Variants in NFIB observed in about 807,000 individuals in gnomAD.
The protein encoded by NFIB is nuclear factor 1 B-type.
In NFIB, 11 loss-of-function variants were observed where a neutral mutation model predicts 61.5. That is an observed-to-expected ratio of 0.18 (90% confidence interval 0.11 to 0.30). The LOEUF is 0.30. Among genes scored for constraint, NFIB ranks in the 10% least tolerant of loss-of-function variants. The pLI is 1.00. For missense variants in NFIB, 471 were observed against 608.9 expected (o/e 0.77, Z 2.38); for synonymous variants, 260 against 216.5 (o/e 1.20, Z -1.76).
intron 3 of NFIB, among the ~76,000 whole-genome samples, chr9:14,175,878 T>C (rs1044451203): frequency 1.3e-5 from 2 of 152,226 alleles, no homozygotes; most frequent in African/African-American, 4.8e-5. Flanking sequence ...CCAGCCTTCC[T>C]GAACTCCAAA....
the NFIB span, among the ~76,000 whole-genome samples, chr9:14,471,894 T>C: frequency 1.3e-5 from 2 of 152,312 alleles, no homozygotes; most frequent in Admixed American, 6.5e-5. Context: ...TTGATCCACC[T>C]GTGTTAGGCA....
In NFIB at chr9:14,163,714, T is replaced by C. The variant is rs181670685; in HGVS notation, c.617-7821A>G. On this transcript the variant is annotated intron_variant, in intron 3 of 10. Coordinates refer to ENST00000380953, the MANE Select transcript of NFIB (RefSeq NM_001190737.2). ...CTTTTTAAGAATTGAACATGACTGTTAGACAAAGACTAACTTCATATCATT... is the reference window on the plus strand; with the variant it reads ...CTTTTTAAGAATTGAACATGACTGTCAGACAAAGACTAACTTCATATCATT... Among the ~76,000 whole-genome samples, 122 of 152,146 alleles carry C rather than the reference T, an allele frequency of 8.0e-4. No homozygotes were observed. The Middle Eastern group carries it at 0.017, about 21-fold the overall frequency.
chr9:14,435,323 A>G, the NFIB span, among the ~76,000 whole-genome samples: 1 of 152,252 alleles, frequency 6.6e-6, no homozygotes, highest in Non-Finnish European at 1.5e-5. Context: ...TGCTGTGGCC[A>G]TGTACCAACT....
the NFIB span, among the ~76,000 whole-genome samples, chr9:14,470,923 C>A: frequency 6.6e-6 from 1 of 152,152 alleles, no homozygotes; most frequent in Non-Finnish European, 1.5e-5. Context: ...TTCCTTTCCA[C>A]TTCCAAGATA....
the NFIB span, among the ~76,000 whole-genome samples, chr9:14,434,671 G>A: frequency 1.5e-4 from 23 of 152,282 alleles, no homozygotes; most frequent in South Asian, 4.6e-3. Context: ...TAACATTAGT[G>A]AGCCACCACA....
chr9:14,355,026 G>C (rs541954413), intron 1 of NFIB, among the ~76,000 whole-genome samples: 1 of 151,892 alleles, frequency 6.6e-6, no homozygotes, highest in Non-Finnish European at 1.5e-5. Flanking sequence ...CCCTGCTTCA[G>C]GGATGGGGAG....
intron 3 of NFIB, among the ~76,000 whole-genome samples, chr9:14,170,515 G>A (rs900833569): frequency 1.3e-5 from 2 of 152,158 alleles, no homozygotes; most frequent in Admixed American, 6.5e-5. Context: ...GGTGGCACAT[G>A]CCTGTTGTCC....
chr9:14,194,671 G>A (rs1482534308), intron 2 of NFIB, among the ~76,000 whole-genome samples: 3 of 152,058 alleles, frequency 2.0e-5, no homozygotes, highest in African/African-American at 7.2e-5. Flanking sequence ...TTCAATTAAA[G>A]CCAAGATAAA....
the NFIB span, among the ~76,000 whole-genome samples, chr9:14,424,359 G>A: frequency 6.6e-6 from 1 of 152,114 alleles, no homozygotes; most frequent in African/African-American, 2.4e-5. Flanking sequence ...AAGTGTTCGA[G>A]GGTCAAATAA....
chr9:14,214,014 G>A (rs1208640364), intron 2 of NFIB, among the ~76,000 whole-genome samples: 1 of 152,084 alleles, frequency 6.6e-6, no homozygotes, highest in Admixed American at 6.5e-5. Context: ...CCACCTTCGG[G>A]CTATGCATCA....
At chr9:14,524,717 C>T in the NFIB span, among the ~76,000 whole-genome samples, 1 of 152,124 alleles carries the variant, frequency 6.6e-6, no homozygotes, top group Non-Finnish European at 1.5e-5. Flanking sequence ...AGTTTAGCAG[C>T]AGAATTTGCA....
chr9:14,466,926 G>A, the NFIB span, among the ~76,000 whole-genome samples: 1 of 152,126 alleles, frequency 6.6e-6, no homozygotes, highest in African/African-American at 2.4e-5. Context: ...GCCAAGGCTG[G>A]GGTTAGGAAA....
intron 2 of NFIB, among the ~76,000 whole-genome samples, chr9:14,195,396 A>G (rs2048365913): frequency 6.6e-6 from 1 of 152,218 alleles, no homozygotes. Context: ...CTCCATATCT[A>G]AGGAATACTT....
At chr9:14,230,719 AT>A (rs1414874877) in intron 2 of NFIB, among the ~76,000 whole-genome samples, 1 of 152,188 alleles carries the variant, frequency 6.6e-6, no homozygotes, top group Non-Finnish European at 1.5e-5. Flanking sequence ...TTTTTGACAA[AT>A]TTAAAGAGGA....
chr9:14,275,495 G>A (rs144547652), intron 2 of NFIB, among the ~76,000 whole-genome samples: 206 of 152,232 alleles, frequency 1.4e-3, no homozygotes, highest in African/African-American at 4.8e-3. Context: ...ATCATGCCAG[G>A]CTAGGAAGAC....
the NFIB span, among the ~76,000 whole-genome samples, chr9:14,482,521 T>C: frequency 1.3e-5 from 2 of 152,194 alleles, no homozygotes; most frequent in South Asian, 4.1e-4. Flanking sequence ...AAGTTCTCTT[T>C]TGATCACATA....
intron 2 of NFIB, among the ~76,000 whole-genome samples, chr9:14,198,113 T>C (rs759121242): frequency 1.3e-5 from 2 of 152,202 alleles, no homozygotes; most frequent in Non-Finnish European, 2.9e-5. Context: ...AAGAATTCCA[T>C]ATTCCTCAAA....
intron 2 of NFIB, chr9:14,204,294 C>A: frequency 1.4e-6 from 1 of 693,714 alleles, no homozygotes; most frequent in Non-Finnish European, 2.6e-6. Context: ...GCTCCGGCCC[C>A]TGCTGTCTTG....
the NFIB span, among the ~76,000 whole-genome samples, chr9:14,516,420 A>G: frequency 6.6e-6 from 1 of 152,170 alleles, no homozygotes; most frequent in Non-Finnish European, 1.5e-5. Flanking sequence ...AAAGGCACTG[A>G]CCGATAACTT....
Sources: allele counts gnomAD v4.1 joint callset (sites outside exome capture counted in the v4.1 genomes callset), GRCh38; gene constraint gnomAD v4.1.1; transcripts MANE v1.5; gene names NCBI Gene and HGNC (gene_info 2026-07-23, HGNC 2026-07-21).